AMPD2: variants seen among roughly 807,000 people sequenced by gnomAD.
The protein encoded by AMPD2 is adenosine monophosphate deaminase 2, also known as AMP deaminase 2.
AMPD2 carries 52 observed loss-of-function variants against 91.3 expected under a neutral mutation model. The ratio of observed to expected loss-of-function variants is 0.57; its 90% CI spans 0.46 to 0.72. The LOEUF (loss-of-function observed/expected upper bound fraction) is 0.72. Among genes scored for constraint, AMPD2 ranks in the 30% least tolerant of loss-of-function variants. The pLI is 0.00. For missense variants in AMPD2, 822 were observed against 1,122.3 expected (o/e 0.73, Z 3.82); for synonymous variants, 455 against 456.4 (o/e 1.00, Z 0.04).
At chr1:109,622,311 T>C in intron 2 of AMPD2, 1 of 456,268 alleles carries the variant, frequency 2.2e-6, no homozygotes, top group Non-Finnish European at 4.4e-6. Context: ...GGGCAACTGA[T>C]ACGGATCTAG....
rs781541530 is a variant in AMPD2, at chr1:109,628,502, AG to A, written c.1407+9del. 23 of 1,612,164 alleles carry A rather than the reference AG, an allele frequency of 1.4e-5. No homozygotes were observed. Among genetic ancestry groups the A allele is most frequent in the Non-Finnish European group, 1.9e-5 (23 of 1,179,956 alleles). On this transcript the variant is annotated splice_region_variant and intron_variant, in intron 12 of 18. Transcript: ENST00000528667. This position sits in a 1 kb window ranked among gnomAD's most constrained non-coding sequence, Gnocchi z 7.1. Reference sequence around the variant, plus strand: ...CTTTGCTCACATCATCAAGGTAAGGAGGCAGCCTTCCCTGCCAAGCCTCGAG... The same window carrying A: ...CTTTGCTCACATCATCAAGGTAAGGAGCAGCCTTCCCTGCCAAGCCTCGAG...
Position 109,620,908 on chromosome 1 carries a change from C to G in AMPD2, c.-262-6C>G, listed in dbSNP as rs1650192536. 1.4e-6 allele frequency: 2 copies of G among 1,469,266 alleles called. No homozygotes were observed. Among genetic ancestry groups the G allele is most frequent in the Middle Eastern group, 2.6e-4 (1 of 3,894 alleles). The allele number at this position is 1,469,266 out of a possible 1,614,324, so 91.0% of individuals were successfully genotyped here. ...TTCTACCCACCCCCTCCCCGCCCCC[C>G]GCCAGGCCCAGCCACCATCAGTCAC... On this transcript the variant is annotated splice_polypyrimidine_tract_variant and splice_region_variant and intron_variant, in intron 1 of 18. Coordinates refer to ENST00000528667, the MANE Select transcript of AMPD2 (RefSeq NM_001368809.2).
chr1:109,621,452 G>A (rs1479934562), intron 2 of AMPD2, 186 bp downstream of exon 2: 2 of 653,896 alleles, frequency 3.1e-6, no homozygotes, highest in South Asian at 1.6e-5. Context: ...GGGGCGGGGG[G>A]TGGATCTGAG....
At position 109,620,052 on chromosome 1, in the gene AMPD2, T is replaced by C; in HGVS notation, c.-489T>C. 6.6e-6 allele frequency: 4 copies of C among 604,286 alleles called. No homozygotes were observed. The highest frequency in any genetic ancestry group is 8.8e-6 in the Non-Finnish European group (3 of 340,558). 37.4% of individuals were successfully genotyped at this position (604,286 alleles called of 1,614,324 possible). On this transcript the variant is annotated 5_prime_UTR_variant, in exon 1 of 19. Transcript: ENST00000528667. ...GGTGGTCGCGACACCGGGGTCGCCT[T>C]GAGGCCAGTCCGGCTGCCGAGGTCT...
intron 2 of AMPD2, among the ~76,000 whole-genome samples, chr1:109,621,608 C>G (rs548488029): frequency 6.6e-6 from 1 of 152,290 alleles, no homozygotes; most frequent in African/African-American, 2.4e-5. Context: ...GTGTGTGGGA[C>G]TGACTGTTTT....
Position 109,630,229 on chromosome 1 carries a change from C to T in AMPD2, c.1984-4C>T. 1 of 1,611,802 alleles carries T rather than the reference C, an allele frequency of 6.2e-7. No individual in the cohort carries two copies. On this transcript the variant is annotated splice_region_variant and splice_polypyrimidine_tract_variant and intron_variant, in intron 16 of 18. Coordinates refer to ENST00000528667, the MANE Select transcript of AMPD2 (RefSeq NM_001368809.2). ...CAGGCCCTCCCTCCCTGTTGCCTGC[C>T]CAGGCCCCCGTCCTGCAGTACCTGT... is the stretch of plus-strand genomic sequence containing the variant.
Position 109,628,552 on chromosome 1 carries a change from G to C in AMPD2, c.1407+57G>C, listed in dbSNP as rs531906108. ...AGCCTGAGGATCTGGGGGCTTTTAG[G>C]GGGTGAGACTCAAGGAGGGTAGGCA... On this transcript the variant is annotated intron_variant, in intron 12 of 18. Coordinates refer to ENST00000528667, the MANE Select transcript of AMPD2 (RefSeq NM_001368809.2). This position sits in a 1 kb window ranked among gnomAD's most constrained non-coding sequence, Gnocchi z 7.1. The C allele has an allele frequency of 1.1e-4, 181 of 1,612,468 alleles. No individual in the cohort carries two copies. The African/African-American group carries it at 2.3e-3, about 21-fold the overall frequency.
Position 109,625,957 on chromosome 1 carries a change from G to A in AMPD2, c.353+165G>A, listed in dbSNP as rs1416141228. ...CTGGGTTCTGTTCTGTCTTCTAGCC[G>A]CCGGTGTGGCTGGGTCATGTTGCTT... On this transcript the variant is annotated intron_variant, in intron 4 of 18. Transcript: ENST00000528667. This position sits in a 1 kb window ranked among gnomAD's most constrained non-coding sequence, Gnocchi z 4.0. The A allele has an allele frequency of 7.3e-6, 9 of 1,231,130 alleles. No individual in the cohort carries two copies. The highest frequency in any genetic ancestry group is 1.4e-5 in the South Asian group (1 of 69,120). 76.3% of individuals were successfully genotyped at this position (1,231,130 alleles called of 1,614,324 possible).
chr1:109,624,009 G>A lies in AMPD2; in HGVS notation c.92-1294G>A. On this transcript the variant is annotated intron_variant, in intron 2 of 18. Transcript: ENST00000528667. The surrounding 1 kb of genome is among the most constrained non-coding windows in gnomAD (Gnocchi z 5.2). ...CTTGGTACAGCCTGTGCCAGCCCCT[G>A]AGGGACCGGCTGCAGCTTCACTGGC... is the stretch of plus-strand genomic sequence containing the variant. The A allele has an allele frequency of 1.0e-6, 1 of 985,726 alleles. No individual in the cohort carries two copies. The highest frequency in any genetic ancestry group is 1.2e-6 in the Non-Finnish European group (1 of 830,162). 61.1% of individuals were successfully genotyped at this position (985,726 alleles called of 1,614,324 possible).
At position 109,626,368 on chromosome 1, in the gene AMPD2, C is replaced by T. The variant is rs544609345; in HGVS notation, c.472C>T (p.Arg158Cys). 17 of 1,612,114 alleles carry T rather than the reference C, an allele frequency of 1.1e-5. 2 individuals carry two copies. The South Asian group carries it at 1.6e-4, about 16-fold the overall frequency. Residue 158 changes from arginine (R) to cysteine (C), a missense_variant, in exon 6 of 19, where the codon CGT becomes TGT. Arg to Cys is a radical substitution (Grantham distance 180, BLOSUM62 -3). Coordinates refer to ENST00000528667, the MANE Select transcript of AMPD2 (RefSeq NM_001368809.2). ...EGQGDRSLRE[R>C]DVLEREFQRV... ...GCAGGGTGACCGGAGCCTGCGGGAG[C>T]GTGATGTGCTGGAACGGGAGTTTCA...
intron 2 of AMPD2, among the ~76,000 whole-genome samples, chr1:109,621,681 C>G (rs971879803): frequency 1.3e-5 from 2 of 152,206 alleles, no homozygotes; most frequent in Non-Finnish European, 2.9e-5. Flanking sequence ...TGTTCTGTGG[C>G]TAGTTCCACT....
At chr1:109,629,011 C>T in intron 13 of AMPD2, 98 bp from the exon 14 acceptor site, 3 of 1,535,846 alleles carry the variant, frequency 2.0e-6, no homozygotes, top group Admixed American at 1.8e-5. Context: ...TCAGATGCGC[C>T]CCTGCGCTCT....
Position 109,629,320 on chromosome 1 carries a change from G to GTAT in AMPD2, c.1699-4_1699-2dup. 6.2e-7 allele frequency: 1 copy of GTAT among 1,614,164 alleles called. No individual in the cohort carries two copies. The highest frequency in any genetic ancestry group is 8.5e-7 in the Non-Finnish European group (1 of 1,180,018). On this transcript the variant is annotated splice_polypyrimidine_tract_variant and splice_region_variant and intron_variant, in intron 14 of 18. Coordinates refer to ENST00000528667, the MANE Select transcript of AMPD2 (RefSeq NM_001368809.2). ...GCTCTGGTTCTGACCCCAGGGTTCT[G>GTAT]TATTAGGTGGATGGTTTTGACAGCG...
chr1:109,628,794 T>A lies in AMPD2; in HGVS notation c.1559T>A (p.Val520Glu). The change falls in exon 13 of 19, where the codon GTG becomes GAG. Residue 520 changes from valine (V) to glutamate (E), a missense_variant. Physicochemically the swap from Val to Glu is moderately radical, Grantham distance 121. This residue lies in a region of AMPD2 where 430 missense variants were observed against 606.0 expected (regional missense o/e 0.71). Transcript: ENST00000528667. The surrounding 1 kb of genome is among the most constrained non-coding windows in gnomAD (Gnocchi z 7.1). ...HSPNVRWLVQ[V>E]PRLFDVYRTK... ...CCCAACGTGCGCTGGCTGGTGCAGG[T>A]GCCCCGCCTCTTGTGAGTGTCCCTG... is the stretch of plus-strand genomic sequence containing the variant. 6.4e-7 allele frequency: 1 copy of A among 1,562,990 alleles called. No individual in the cohort carries two copies. Among genetic ancestry groups the A allele is most frequent in the Non-Finnish European group, 8.7e-7 (1 of 1,153,348 alleles).
At position 109,625,944 on chromosome 1, in the gene AMPD2, C is replaced by A; in HGVS notation, c.353+152C>A. 2 of 1,323,148 alleles carry A rather than the reference C, an allele frequency of 1.5e-6. No homozygotes were observed. The highest frequency in any genetic ancestry group is 1.5e-5 in the African/African-American group (1 of 68,342). The allele number at this position is 1,323,148 out of a possible 1,614,324, so 82.0% of individuals were successfully genotyped here. On this transcript the variant is annotated intron_variant, in intron 4 of 18. Transcript: ENST00000528667. The surrounding 1 kb of genome is among the most constrained non-coding windows in gnomAD (Gnocchi z 4.0). ...TGGAGTCGGGCTGCTGGGTTCTGTT[C>A]TGTCTTCTAGCCGCCGGTGTGGCTG...
intron 2 of AMPD2, 51 bp downstream of exon 2, chr1:109,621,317 A>G (rs1185806833): frequency 1.6e-5 from 25 of 1,588,888 alleles, no homozygotes; most frequent in Non-Finnish European, 2.0e-5. Context: ...CTGTCTTGCC[A>G]CCTCTCGCCC....
chr1:109,628,555 G>A lies in AMPD2; in HGVS notation c.1407+60G>A. The stretch of plus-strand genomic sequence containing the variant: ...CTGAGGATCTGGGGGCTTTTAGGGG[G>A]TGAGACTCAAGGAGGGTAGGCAGAT... On this transcript the variant is annotated intron_variant, in intron 12 of 18. Transcript: ENST00000528667. This position sits in a 1 kb window ranked among gnomAD's most constrained non-coding sequence, Gnocchi z 7.1. 16 of 1,612,442 alleles carry A rather than the reference G, an allele frequency of 9.9e-6. No homozygotes were observed. The highest frequency in any genetic ancestry group is 1.3e-5 in the Non-Finnish European group (15 of 1,179,394).
chr1:109,627,936 C>T (rs1570589828), intron 10 of AMPD2, 33 bp downstream of exon 10: 3 of 1,613,210 alleles, frequency 1.9e-6, no homozygotes, highest in South Asian at 1.1e-5. Context: ...TCTCCATGTC[C>T]TCATCCCACA....
rs535177952 is a variant in AMPD2 at position 109,630,191 on chromosome 1, C to T, written c.1984-42C>T. 35 of 1,604,604 alleles carry T rather than the reference C, an allele frequency of 2.2e-5. No individual in the cohort carries two copies. In the East Asian group the frequency reaches 5.4e-4, roughly 25 times the overall value. ...AGAACCACTGTGCCCTGCCCAGCCT[C>T]GGGGCCACCTGACAGGCCCTCCCTC... is the stretch of plus-strand genomic sequence containing the variant. On this transcript the variant is annotated intron_variant, in intron 16 of 18. Transcript: ENST00000528667.
Sources: gnomAD v4.1 joint callset for allele counts (sites outside exome capture counted in the v4.1 genomes callset) on GRCh38, gnomAD v4.1.1 for gene constraint, gnomAD v4.1.1 regional missense constraint, Gnocchi (gnomAD v3.1) non-coding constraint, MANE v1.5 for transcripts, NCBI Gene and HGNC (gene_info 2026-07-23, HGNC 2026-07-21) for gene names.